The following RARB variants were observed in gnomAD, a reference collection of about 807,000 sequenced individuals.
RARB encodes the protein retinoic acid receptor beta.
Under a neutral mutation model 51.9 loss-of-function variants are expected in RARB, and 17 were observed. The observed-to-expected ratio is 0.33, with a 90% CI of 0.22 to 0.49. The LOEUF (loss-of-function observed/expected upper bound fraction) is 0.49, where lower values mean the gene tolerates loss of function less well. Ranked by LOEUF, RARB falls within the 20% of genes least tolerant of loss-of-function variation. The pLI, the probability that RARB is intolerant of heterozygous loss-of-function variation, is 0.99. For synonymous variants in RARB, 215 were observed against 195.4 expected, an observed-to-expected ratio of 1.10 and a Z score of -0.84; for missense variants, 369 against 550.8, an observed-to-expected ratio of 0.67 and a Z score of 3.30.
At chr3:25,483,523 T>C (rs1293683218) in intron 2 of RARB, among the ~76,000 whole-genome samples, 1 of 133,630 alleles carries the variant, frequency 7.5e-6, no homozygotes, top group Admixed American at 7.8e-5. Context: ...AAATCATATT[T>C]CTTCTTTTTT....
intron 5 of RARB, among the ~76,000 whole-genome samples, chr3:25,244,272 A>ATTT (rs200215353): frequency 6.8e-4 from 90 of 133,268 alleles, no homozygotes; most frequent in African/African-American, 1.1e-3. Context: ...GAATTCATTG[A>ATTT]TTTTTTTTTT....
intron 2 of RARB, among the ~76,000 whole-genome samples, chr3:25,027,649 T>A (rs888235773): frequency 4.6e-5 from 7 of 151,712 alleles, no homozygotes; most frequent in African/African-American, 1.7e-4. Flanking sequence ...GACACTAATA[T>A]ATAGTTAGCA....
chr3:25,516,737 G>A lies in RARB; in HGVS notation c.448+15414G>A, dbSNP rs758805428. ...TGCCTCCTGGGTTCAAGTGATTCTC[G>A]TGCCTCACCCACCCAAGTAGCTGGG... On this transcript the variant is annotated intron_variant, in intron 3 of 7. Coordinates refer to ENST00000330688, the MANE Select transcript of RARB (RefSeq NM_000965.5). Among the ~76,000 whole-genome samples, 7 of 150,858 alleles carry A rather than the reference G, an allele frequency of 4.6e-5. 1 individual carries two copies. The South Asian group carries it at 6.3e-4, about 13-fold the overall frequency.
chr3:25,133,768 G>T (rs191105124), intron 4 of RARB, among the ~76,000 whole-genome samples: 1 of 151,708 alleles, frequency 6.6e-6, no homozygotes, highest in African/African-American at 2.4e-5. Flanking sequence ...ATGCAGACAC[G>T]CGTCCAAGAC....
At chr3:24,934,291 G>A (rs148817751) in intron 2 of RARB, among the ~76,000 whole-genome samples, 273 of 152,154 alleles carry the variant, frequency 1.8e-3, no homozygotes, top group Middle Eastern at 6.8e-3. Flanking sequence ...CCTACCATTC[G>A]GCTGAGGGGT....
At chr3:25,239,521 G>T (rs1702380143) in intron 5 of RARB, among the ~76,000 whole-genome samples, 2 of 152,032 alleles carry the variant, frequency 1.3e-5, no homozygotes, top group African/African-American at 2.4e-5. Context: ...CTGCATATGG[G>T]TGTCCAATTT....
chr3:24,897,192 T>C (rs1703495352), intron 2 of RARB, among the ~76,000 whole-genome samples: 1 of 152,222 alleles, frequency 6.6e-6, no homozygotes, highest in Admixed American at 6.5e-5. Flanking sequence ...GCTGTATCTA[T>C]CATTTCATAA....
chr3:25,337,027 C>T (rs904416965), intron 5 of RARB, among the ~76,000 whole-genome samples: 1 of 152,116 alleles, frequency 6.6e-6, no homozygotes, highest in Non-Finnish European at 1.5e-5. Context: ...AGTCGCTGCC[C>T]TCACAGAAAT....
At chr3:25,369,447 A>T (rs940406918) in intron 5 of RARB, among the ~76,000 whole-genome samples, 1 of 152,190 alleles carries the variant, frequency 6.6e-6, no homozygotes, top group African/African-American at 2.4e-5. Context: ...GAGCAGCTAG[A>T]TTCTGTGGAT....
intron 2 of RARB, among the ~76,000 whole-genome samples, chr3:24,999,813 T>C (rs2125274356): frequency 1.3e-5 from 2 of 152,304 alleles, no homozygotes; most frequent in South Asian, 4.1e-4. Context: ...CTCTGTGGTA[T>C]AAGTTTTAAC....
chr3:24,990,563 G>A (rs1257116167), intron 2 of RARB, among the ~76,000 whole-genome samples: 1 of 106,286 alleles, frequency 9.4e-6, no homozygotes, highest in Non-Finnish European at 1.9e-5. Flanking sequence ...GTTCTTTTTT[G>A]CATTTCTCTC....
At chr3:25,568,488 G>T (rs1473979887) in intron 3 of RARB, among the ~76,000 whole-genome samples, 1 of 152,010 alleles carries the variant, frequency 6.6e-6, no homozygotes, top group African/African-American at 2.4e-5. Context: ...TTTGTAGTAG[G>T]ACTCACCTCC....
chr3:24,940,298 G>A (rs1350359467), intron 2 of RARB, among the ~76,000 whole-genome samples: 2 of 152,084 alleles, frequency 1.3e-5, no homozygotes, highest in East Asian at 3.9e-4. Context: ...CTCGGTGGGT[G>A]GGAATTTCTT....
intron 4 of RARB, among the ~76,000 whole-genome samples, chr3:25,575,682 ATTT>A (rs760915141): frequency 2.0e-5 from 3 of 150,962 alleles, no homozygotes; most frequent in African/African-American, 7.3e-5. Flanking sequence ...AGATTTCCAC[ATTT>A]TTTTTTATAA....
At chr3:25,524,847 A>T (rs1461101875) in intron 3 of RARB, among the ~76,000 whole-genome samples, 1 of 151,998 alleles carries the variant, frequency 6.6e-6, no homozygotes, top group Non-Finnish European at 1.5e-5. Flanking sequence ...CTCCTGCCTC[A>T]GCCTCCTGAG....
chr3:25,442,783 A>G (rs1708755775), intron 1 of RARB, among the ~76,000 whole-genome samples: 1 of 152,102 alleles, frequency 6.6e-6, no homozygotes, highest in South Asian at 2.1e-4. Context: ...TAGTTTGCAC[A>G]GCTAAACCAA....
At chr3:25,069,129 G>A (rs867220170) in intron 3 of RARB, among the ~76,000 whole-genome samples, 3 of 152,064 alleles carry the variant, frequency 2.0e-5, no homozygotes, top group Non-Finnish European at 2.9e-5. Flanking sequence ...TGATAGCTAT[G>A]CAAAGAGAAG....
intron 5 of RARB, among the ~76,000 whole-genome samples, chr3:25,178,845 T>C (rs1700807836): frequency 6.6e-6 from 1 of 152,200 alleles, no homozygotes; most frequent in African/African-American, 2.4e-5. Context: ...GGTAGGGCTC[T>C]CTGTGAGAGT....
intron 3 of RARB, among the ~76,000 whole-genome samples, chr3:25,084,148 T>A (rs918874683): frequency 6.6e-6 from 1 of 152,170 alleles, no homozygotes; most frequent in African/African-American, 2.4e-5. Flanking sequence ...TTCTTCACAT[T>A]CTATCTAACT....
Sources: allele counts gnomAD v4.1 joint callset (sites outside exome capture counted in the v4.1 genomes callset), GRCh38; gene constraint gnomAD v4.1.1; transcripts MANE v1.5; gene names NCBI Gene and HGNC (gene_info 2026-07-23, HGNC 2026-07-21).